DYNLRB1: variants seen among roughly 807,000 people sequenced by gnomAD.
The protein encoded by DYNLRB1 is ROBL/LC7-like 1.
DYNLRB1 carries 6 observed loss-of-function variants against 13.5 expected under a neutral mutation model. That is an observed-to-expected ratio of 0.44 (90% confidence interval 0.24 to 0.88). The LOEUF (loss-of-function observed/expected upper bound fraction) is 0.88, where lower values mean the gene tolerates loss of function less well. Among genes scored for constraint, DYNLRB1 ranks in the 40% least tolerant of loss-of-function variants. The pLI is 0.21. For synonymous variants in DYNLRB1, 43 were observed against 45.0 expected (o/e 0.96, Z 0.18); for missense variants, 93 against 127.2 (o/e 0.73, Z 1.29).
In DYNLRB1 at chr20:34,525,306, C is replaced by G. The variant is rs183445911; in HGVS notation, c.4-962C>G. ...GCCTGAGAACAGGTATACCTCAGGG[C>G]TAGTTTCCATCCACAGGAAGAATTA... On this transcript the variant is annotated intron_variant, in intron 1 of 3. Transcript: ENST00000357156. 2.0e-5 allele frequency among the ~76,000 whole-genome samples: 3 copies of G among 152,244 alleles called. No homozygotes were observed. In the East Asian group the frequency reaches 5.8e-4, roughly 29 times the overall value.
chr20:34,533,639 T>C, intron 2 of DYNLRB1: 1 of 350,162 alleles, frequency 2.9e-6, no homozygotes, highest in Non-Finnish European at 4.0e-6. Flanking sequence ...GCCAGTATGG[T>C]GAAACCCCGT....
intron 1 of DYNLRB1, among the ~76,000 whole-genome samples, chr20:34,521,564 C>T (rs957650559): frequency 3.3e-5 from 5 of 151,958 alleles, no homozygotes; most frequent in African/African-American, 1.2e-4. Flanking sequence ...AGTTCTTTGT[C>T]AGTCATTTGC....
chr20:34,521,037 G>T (rs1188839410), intron 1 of DYNLRB1, among the ~76,000 whole-genome samples: 40 of 148,038 alleles, frequency 2.7e-4, no homozygotes, highest in Non-Finnish European at 3.1e-4. Context: ...TTTTTTTTTT[G>T]AAATGGAATC....
In DYNLRB1 at chr20:34,516,443, A is replaced by G; in HGVS notation, c.-16A>G. ...CGCTAAGTGTTCGCTACGCGGGGCT[A>G]CCGGATCGGTCGGAAATGGTGAGCG... On this transcript the variant is annotated 5_prime_UTR_variant, in exon 1 of 4. Transcript: ENST00000357156. 1.2e-6 allele frequency: 2 copies of G among 1,613,340 alleles called. No homozygotes were observed. Among genetic ancestry groups the G allele is most frequent in the Non-Finnish European group, 1.7e-6 (2 of 1,179,604 alleles).
At chr20:34,520,379 G>A (rs900240566) in intron 1 of DYNLRB1, among the ~76,000 whole-genome samples, 3 of 151,904 alleles carry the variant, frequency 2.0e-5, no homozygotes, top group Admixed American at 1.3e-4. Flanking sequence ...CATAATACTC[G>A]GTGAAATAGT....
chr20:34,526,054 C>T (rs755056646), intron 1 of DYNLRB1, among the ~76,000 whole-genome samples: 16 of 152,198 alleles, frequency 1.1e-4, no homozygotes, highest in Non-Finnish European at 2.1e-4. Flanking sequence ...CAGGAGCAGC[C>T]CTGTCCTGCG....
chr20:34,520,425 A>ATTTGGG, intron 1 of DYNLRB1, among the ~76,000 whole-genome samples: 1 of 152,286 alleles, frequency 6.6e-6, no homozygotes, highest in Non-Finnish European at 1.5e-5. Context: ...ACCTGTGTAC[A>ATTTGGG]TTTGGGTTGC....
intron 1 of DYNLRB1, among the ~76,000 whole-genome samples, chr20:34,520,687 G>A (rs1038660974): frequency 6.6e-6 from 1 of 152,162 alleles, no homozygotes; most frequent in Non-Finnish European, 1.5e-5. Context: ...GACCTCAGGT[G>A]ATCCGCCTGC....
chr20:34,516,596 C>T (rs1979207277), intron 1 of DYNLRB1, 135 bp downstream of exon 1: 2 of 1,523,350 alleles, frequency 1.3e-6, no homozygotes, highest in Non-Finnish European at 8.8e-7. Flanking sequence ...GGGCCCGGGC[C>T]CCAGCCGACT....
At chr20:34,540,184 T>C (rs1378841389) in intron 3 of DYNLRB1, among the ~76,000 whole-genome samples, 1 of 152,202 alleles carries the variant, frequency 6.6e-6, no homozygotes, top group Non-Finnish European at 1.5e-5. Flanking sequence ...GTTCTGGGCG[T>C]AGAGCCCTCC....
rs1600542321 is a variant in DYNLRB1, at chr20:34,524,478, A to G, written c.4-1790A>G. On this transcript the variant is annotated intron_variant, in intron 1 of 3. Coordinates refer to ENST00000357156, the MANE Select transcript of DYNLRB1 (RefSeq NM_014183.4). ...GTCACTGTACTTTGGTCCATGATGA[A>G]TTTCCAGGAGGGCGAGCAGGGTAGA... is the stretch of plus-strand genomic sequence containing the variant. Among the ~76,000 whole-genome samples the G allele has an allele frequency of 2.0e-5, 3 of 152,272 alleles. No homozygotes were observed. In the South Asian group the frequency reaches 6.2e-4, roughly 32 times the overall value.
chr20:34,516,484 T>G lies in DYNLRB1; in HGVS notation c.3+23T>G, dbSNP rs752843633. On this transcript the variant is annotated intron_variant, in intron 1 of 3. Coordinates refer to ENST00000357156, the MANE Select transcript of DYNLRB1 (RefSeq NM_014183.4). ...ATGGTGAGCGTGCGCCGGGGTCTTG[T>G]GGCTGGCGGCCGCCCACCACCCCAC... 24 of 1,612,458 alleles carry G rather than the reference T, an allele frequency of 1.5e-5. No homozygotes were observed. In the East Asian group the frequency reaches 4.7e-4, roughly 31 times the overall value.
At chr20:34,529,494 C>T (rs529142561) in intron 2 of DYNLRB1, among the ~76,000 whole-genome samples, 7 of 152,198 alleles carry the variant, frequency 4.6e-5, no homozygotes, top group East Asian at 1.9e-4. Flanking sequence ...TTTGGGAGGC[C>T]GAGGCGGGCG....
chr20:34,517,194 G>A (rs62210160), intron 1 of DYNLRB1, among the ~76,000 whole-genome samples: 31 of 152,138 alleles, frequency 2.0e-4, no homozygotes, highest in Admixed American at 2.0e-4. Flanking sequence ...CAAATTTTAA[G>A]CCATGTGAAT....
intron 2 of DYNLRB1, among the ~76,000 whole-genome samples, chr20:34,532,946 G>A (rs544515733): frequency 8.7e-4 from 132 of 152,298 alleles, no homozygotes; most frequent in African/African-American, 3.0e-3. Flanking sequence ...GCAGGGTCCT[G>A]GGCCCCAAAG....
intron 1 of DYNLRB1, among the ~76,000 whole-genome samples, chr20:34,523,870 C>T (rs1979956560): frequency 6.6e-6 from 1 of 152,316 alleles, no homozygotes; most frequent in African/African-American, 2.4e-5. Flanking sequence ...GAATAGCAGT[C>T]TTAAGAAATT....
intron 3 of DYNLRB1, among the ~76,000 whole-genome samples, chr20:34,539,565 G>T (rs776136198): frequency 6.6e-6 from 1 of 151,892 alleles, no homozygotes; most frequent in African/African-American, 2.4e-5. Context: ...ACCCAGGCTG[G>T]AGTGCAGTGA....
At chr20:34,518,654 A>G (rs1012302020) in intron 1 of DYNLRB1, among the ~76,000 whole-genome samples, 3 of 150,346 alleles carry the variant, frequency 2.0e-5, no homozygotes, top group African/African-American at 4.9e-5. Flanking sequence ...GGGTTTTGCC[A>G]TGTTGCCCAG....
upstream of DYNLRB1, chr20:34,516,317 G>T (rs137942933): frequency 0.029 from 39,488 of 1,355,524 alleles, 778 homozygotes; most frequent in Non-Finnish European, 0.036. Flanking sequence ...GCGGAGCCAA[G>T]ATCGGCTCGC....
Sources: allele counts gnomAD v4.1 joint callset (sites outside exome capture counted in the v4.1 genomes callset), GRCh38; gene constraint gnomAD v4.1.1; transcripts MANE v1.5; gene names NCBI Gene and HGNC (gene_info 2026-07-23, HGNC 2026-07-21).